The following CCAR1 variants were observed in gnomAD, a reference collection of about 807,000 sequenced individuals.
CCAR1 encodes cell division cycle and apoptosis regulator protein 1.
In CCAR1, 78 loss-of-function variants were observed where a neutral mutation model predicts 163.8. That is an observed-to-expected ratio of 0.48 (90% CI 0.40 to 0.57). The LOEUF (loss-of-function observed/expected upper bound fraction) is 0.57, where lower values mean the gene tolerates loss of function less well. Ranked by LOEUF, CCAR1 falls within the 20% of genes least tolerant of loss-of-function variation. CCAR1 has a pLI of 0.00. For synonymous variants in CCAR1, 443 were observed against 460.7 expected, an observed-to-expected ratio of 0.96 and a Z score of 0.49; for missense variants, 1,019 against 1,365.2, an observed-to-expected ratio of 0.75 and a Z score of 4.00.
chr10:68,790,320 A>C (rs1589197737), intron 24 of CCAR1, among the ~76,000 whole-genome samples: 1 of 150,920 alleles, frequency 6.6e-6, no homozygotes, highest in Middle Eastern at 3.2e-3. Flanking sequence ...GCACCATTGC[A>C]CTCTAGCCTG....
chr10:68,753,969 G>T lies in CCAR1; in HGVS notation c.1236G>T (p.Gln412His), dbSNP rs984581662. 6.2e-7 allele frequency: 1 copy of T among 1,613,904 alleles called. No individual in the cohort carries two copies. The highest frequency in any genetic ancestry group is 8.5e-7 in the Non-Finnish European group (1 of 1,179,900). Residue 412 changes from glutamine (Q) to histidine (H), a missense_variant, in exon 11 of 25, where the codon CAG becomes CAT. Around this residue, in one of 4 missense-constraint regions of CCAR1, gnomAD observed 644 missense variants for 904.4 expected, o/e 0.71. Transcript: ENST00000265872. ...VDAFPLSRPFQLGNYCNFYVM... is the reference protein window; with the variant it reads ...VDAFPLSRPFHLGNYCNFYVM... ...CTTTCCCTTTGTCAAGACCATTTCA[G>T]CTGGGAAATTACTGCAATTTTTATG... is the stretch of plus-strand genomic sequence containing the variant.
chr10:68,755,002 A>G (rs2056381252), intron 12 of CCAR1, among the ~76,000 whole-genome samples, 175 bp downstream of exon 12: 2 of 152,224 alleles, frequency 1.3e-5, no homozygotes, highest in African/African-American at 4.8e-5. Flanking sequence ...GATTACAACT[A>G]TATCTTATTT....
intron 16 of CCAR1, among the ~76,000 whole-genome samples, chr10:68,762,260 C>T (rs974144713): frequency 2.8e-4 from 43 of 151,464 alleles, no homozygotes; most frequent in Non-Finnish European, 6.0e-4. Flanking sequence ...ACCCGGGAGG[C>T]GGAGCTTGCA....
intron 17 of CCAR1, among the ~76,000 whole-genome samples, chr10:68,766,413 G>A (rs975001547): frequency 5.9e-5 from 9 of 151,558 alleles, no homozygotes; most frequent in African/African-American, 2.2e-4. Flanking sequence ...ATGTTGGCCA[G>A]CCTGGTCTCG....
rs1015913074 is a variant in CCAR1, at chr10:68,771,263, A to T, written c.2356A>T (p.Ile786Leu). ...EMLQRDFGVR[I>L]YKSLLSLPEK... is the part of the protein sequence containing the mutation. ...GCTTCAAAGAGATTTTGGTGTCCGTATATACAAATCATTACTGTCTCTTCC... is the reference window on the plus strand; with the variant it reads ...GCTTCAAAGAGATTTTGGTGTCCGTTTATACAAATCATTACTGTCTCTTCC... Residue 786 changes from isoleucine to leucine, a missense_variant, in exon 18 of 25, where the codon ATA becomes TTA. By Grantham distance (5) the Ile-to-Leu change is conservative. Around this residue, in one of 4 missense-constraint regions of CCAR1, gnomAD observed 17 missense variants for 36.6 expected, o/e 0.47. Transcript: ENST00000265872. The T allele has an allele frequency of 4.4e-6, 7 of 1,604,242 alleles. No homozygotes were observed. The highest frequency in any genetic ancestry group is 6.0e-6 in the Non-Finnish European group (7 of 1,176,444).
At chr10:68,766,676 G>A (rs1564545550) in intron 17 of CCAR1, among the ~76,000 whole-genome samples, 1 of 151,584 alleles carries the variant, frequency 6.6e-6, no homozygotes, top group Non-Finnish European at 1.5e-5. Context: ...ACAGGCATGA[G>A]CCACCATGCC....
At chr10:68,731,122 A>C (rs1228379315) in intron 2 of CCAR1, among the ~76,000 whole-genome samples, 1 of 152,210 alleles carries the variant, frequency 6.6e-6, no homozygotes, top group Non-Finnish European at 1.5e-5. Context: ...ATATTGAATG[A>C]GGTAAAAGTG....
intron 10 of CCAR1, among the ~76,000 whole-genome samples, chr10:68,752,021 A>G (rs1242692123): frequency 6.9e-6 from 1 of 143,886 alleles, no homozygotes; most frequent in Non-Finnish European, 1.5e-5. Flanking sequence ...GGTTCACGCC[A>G]TTCTCCTGCC....
intron 24 of CCAR1, among the ~76,000 whole-genome samples, chr10:68,790,861 T>C (rs2056845054): frequency 1.4e-5 from 2 of 145,872 alleles, no homozygotes; most frequent in Non-Finnish European, 3.0e-5. Context: ...CGAGACTCTG[T>C]CTCAAAAAAA....
chr10:68,752,903 GATAGA>G (rs2056351101), intron 10 of CCAR1, among the ~76,000 whole-genome samples: 2 of 148,470 alleles, frequency 1.3e-5, no homozygotes, highest in African/African-American at 4.9e-5. Flanking sequence ...TAGATAGATA[GATAGA>G]TAGATAGATA....
At chr10:68,747,033 A>G in intron 6 of CCAR1, 128 bp from the exon 7 acceptor site, 1 of 552,774 alleles carries the variant, frequency 1.8e-6, no homozygotes, top group Non-Finnish European at 3.2e-6. Context: ...CATTTCTGAT[A>G]TAGTTTACTG....
At chr10:68,739,626 G>C (rs1009278159) in intron 4 of CCAR1, among the ~76,000 whole-genome samples, 1 of 152,140 alleles carries the variant, frequency 6.6e-6, no homozygotes, top group African/African-American at 2.4e-5. Flanking sequence ...ACTGACAAGA[G>C]ACTGGTCTCA....
intron 19 of CCAR1, among the ~76,000 whole-genome samples, chr10:68,783,903 C>T (rs1453774185): frequency 6.6e-6 from 1 of 151,744 alleles, no homozygotes; most frequent in Non-Finnish European, 1.5e-5. Flanking sequence ...TACAGGCGGC[C>T]GCCACCACGC....
intron 6 of CCAR1, among the ~76,000 whole-genome samples, chr10:68,744,597 G>T (rs573485492): frequency 1.3e-5 from 2 of 152,224 alleles, no homozygotes; most frequent in African/African-American, 4.8e-5. Context: ...GTGTTTGTAG[G>T]AAATACTGTA....
chr10:68,785,571 T>G (rs921904834), intron 19 of CCAR1, among the ~76,000 whole-genome samples: 4 of 152,158 alleles, frequency 2.6e-5, no homozygotes, highest in Non-Finnish European at 5.9e-5. Context: ...TTGACTAGCT[T>G]TATTGCAGTA....
chr10:68,732,336 T>TTTTGTTTGTTTG (rs57833784), intron 2 of CCAR1, among the ~76,000 whole-genome samples: 5 of 151,648 alleles, frequency 3.3e-5, no homozygotes, highest in Admixed American at 1.3e-4. Flanking sequence ...ACCAGAACAG[T>TTTTGTTTGTTTG]TTTGTTTGTT....
intron 16 of CCAR1, among the ~76,000 whole-genome samples, chr10:68,764,263 G>C (rs1378410849): frequency 6.6e-6 from 1 of 151,856 alleles, no homozygotes; most frequent in African/African-American, 2.4e-5. Context: ...GGCAGTTGTG[G>C]CTCCACCACC....
At chr10:68,783,277 C>T (rs968195458) in intron 19 of CCAR1, among the ~76,000 whole-genome samples, 1 of 152,020 alleles carries the variant, frequency 6.6e-6, no homozygotes, top group African/African-American at 2.4e-5. Flanking sequence ...GCAAGCTCCG[C>T]CTCCCAGGTT....
In CCAR1 at chr10:68,788,338, A is replaced by G; in HGVS notation, c.3187+10A>G. 6.5e-7 allele frequency: 1 copy of G among 1,541,234 alleles called. No homozygotes were observed. Among genetic ancestry groups the G allele is most frequent in the South Asian group, 1.3e-5 (1 of 76,470 alleles). On this transcript the variant is annotated intron_variant, in intron 23 of 24. Coordinates refer to ENST00000265872, the MANE Select transcript of CCAR1 (RefSeq NM_018237.4). ...CTAGAAGAAAAAACAGGTAAGGGTCAGCTTTGAATATGTTAATACTTTCAG... is the reference window on the plus strand; with the variant it reads ...CTAGAAGAAAAAACAGGTAAGGGTCGGCTTTGAATATGTTAATACTTTCAG...
Sources: allele counts gnomAD v4.1 joint callset (sites outside exome capture counted in the v4.1 genomes callset), GRCh38; gene constraint gnomAD v4.1.1; regional missense constraint gnomAD v4.1.1; transcripts MANE v1.5; gene names NCBI Gene and HGNC (gene_info 2026-07-23, HGNC 2026-07-21).